Variants in ZNF804B observed in about 807,000 individuals in gnomAD.
ZNF804B encodes zinc finger protein 804B.
A neutral mutation model predicts 101.4 loss-of-function variants in ZNF804B; 80 were observed. That is an observed-to-expected ratio of 0.79 (90% CI 0.66 to 0.95). The LOEUF is 0.95. ZNF804B is among the 40% of genes least tolerant of loss of function. The pLI, the probability that ZNF804B is intolerant of heterozygous loss-of-function variation, is 0.00. For synonymous variants in ZNF804B, 622 were observed against 558.8 expected, an observed-to-expected ratio of 1.11 and a Z score of -1.59; for missense variants, 1,673 against 1,561.9, an observed-to-expected ratio of 1.07 and a Z score of -1.20.
chr7:88,871,290 T>C (rs1791819739), intron 1 of ZNF804B, among the ~76,000 whole-genome samples: 1 of 152,070 alleles, frequency 6.6e-6, no homozygotes, highest in South Asian at 2.1e-4. Flanking sequence ...GAATCTGAAC[T>C]GAAGACTATG....
intron 1 of ZNF804B, among the ~76,000 whole-genome samples, chr7:89,209,440 T>C (rs1788770128): frequency 6.6e-6 from 1 of 152,142 alleles, no homozygotes; most frequent in Non-Finnish European, 1.5e-5. Context: ...CACTGAACTA[T>C]AAGAAAAACA....
chr7:89,030,226 A>C (rs1474484862), intron 1 of ZNF804B, among the ~76,000 whole-genome samples: 1 of 152,192 alleles, frequency 6.6e-6, no homozygotes. Context: ...TAGGAAGCTC[A>C]GACAAAATAG....
At chr7:88,887,267 C>A (rs1792142612) in intron 1 of ZNF804B, among the ~76,000 whole-genome samples, 2 of 152,126 alleles carry the variant, frequency 1.3e-5, no homozygotes, top group Admixed American at 1.3e-4. Flanking sequence ...AGTCCTCTGC[C>A]CACTTTTTAA....
intron 2 of ZNF804B, among the ~76,000 whole-genome samples, chr7:89,296,960 A>G (rs1206179670): frequency 6.6e-6 from 1 of 152,060 alleles, no homozygotes; most frequent in Non-Finnish European, 1.5e-5. Flanking sequence ...AACTGAGTCA[A>G]ATATGACTAC....
chr7:88,980,306 G>A (rs903299441), intron 1 of ZNF804B, among the ~76,000 whole-genome samples: 16 of 151,940 alleles, frequency 1.1e-4, no homozygotes, highest in Admixed American at 1.0e-3. Flanking sequence ...TTGGTCACTG[G>A]TGCCTTATTT....
At chr7:88,927,809 A>G (rs1269307375) in intron 1 of ZNF804B, among the ~76,000 whole-genome samples, 3 of 152,038 alleles carry the variant, frequency 2.0e-5, no homozygotes, top group Non-Finnish European at 4.4e-5. Context: ...CTCACCTACC[A>G]TTATATAAAC....
chr7:88,931,257 A>G (rs1792880453), intron 1 of ZNF804B, among the ~76,000 whole-genome samples: 1 of 151,964 alleles, frequency 6.6e-6, no homozygotes, highest in Non-Finnish European at 1.5e-5. Context: ...AATCAAATCC[A>G]TAGTTAATTC....
chr7:89,094,258 A>G (rs989732433), intron 1 of ZNF804B, among the ~76,000 whole-genome samples: 2 of 152,200 alleles, frequency 1.3e-5, no homozygotes, highest in Non-Finnish European at 2.9e-5. Flanking sequence ...ATGCCTGTAT[A>G]AATCATTATC....
intron 1 of ZNF804B, among the ~76,000 whole-genome samples, chr7:88,845,297 G>GCACACACA (rs200482259): frequency 0.16 from 18,893 of 119,772 alleles, 1,142 homozygotes; most frequent in East Asian, 0.19. Flanking sequence ...GCGCGCACGC[G>GCACACACA]CGCGCACACA....
intron 1 of ZNF804B, among the ~76,000 whole-genome samples, chr7:89,125,796 A>T (rs922264790): frequency 6.6e-6 from 1 of 152,118 alleles, no homozygotes; most frequent in Non-Finnish European, 1.5e-5. Context: ...TTAGAGGTCC[A>T]TGTTGAAACT....
chr7:89,072,997 C>G (rs75384215), intron 1 of ZNF804B, among the ~76,000 whole-genome samples: 3,060 of 152,196 alleles, frequency 0.02, 44 homozygotes, highest in African/African-American at 0.032. Flanking sequence ...AGCCCTCAAT[C>G]AGAGATTATG....
At chr7:89,179,907 G>A in intron 1 of ZNF804B, among the ~76,000 whole-genome samples, 1 of 152,210 alleles carries the variant, frequency 6.6e-6, no homozygotes, top group Non-Finnish European at 1.5e-5. Context: ...GACTTGTAGA[G>A]ATACTTCCCT....
intron 1 of ZNF804B, among the ~76,000 whole-genome samples, chr7:89,208,800 C>CA (rs1788757292): frequency 6.6e-6 from 1 of 151,998 alleles, no homozygotes; most frequent in Non-Finnish European, 1.5e-5. Context: ...ATCACAAGGT[C>CA]AGGAGATCGA....
At chr7:88,861,917 G>A (rs998309935) in intron 1 of ZNF804B, among the ~76,000 whole-genome samples, 3 of 152,150 alleles carry the variant, frequency 2.0e-5, no homozygotes, top group Admixed American at 2.0e-4. Context: ...ATGCAGCCAT[G>A]TGGGATGGAG....
At chr7:89,094,547 T>A (rs187435007) in intron 1 of ZNF804B, among the ~76,000 whole-genome samples, 3,914 of 151,598 alleles carry the variant, frequency 0.026, 138 homozygotes, top group African/African-American at 0.078. Context: ...CTCACTTTTT[T>A]AAAAAAAAAT....
chr7:88,905,635 G>C (rs1006511972), intron 1 of ZNF804B, among the ~76,000 whole-genome samples: 1 of 152,138 alleles, frequency 6.6e-6, no homozygotes, highest in African/African-American at 2.4e-5. Flanking sequence ...TGGGCTTACA[G>C]GCAGGAGCCA....
At chr7:88,842,339 T>C (rs1791302350) in intron 1 of ZNF804B, among the ~76,000 whole-genome samples, 1 of 152,180 alleles carries the variant, frequency 6.6e-6, no homozygotes, top group South Asian at 2.1e-4. Context: ...GAAGTGAGAT[T>C]ACAGAAACCA....
At chr7:88,877,904 A>T (rs1791976256) in intron 1 of ZNF804B, among the ~76,000 whole-genome samples, 1 of 152,158 alleles carries the variant, frequency 6.6e-6, no homozygotes, top group Non-Finnish European at 1.5e-5. Context: ...TAAGGAATTT[A>T]TACTTCTTCC....
chr7:88,823,265 T>C (rs1435442064), intron 1 of ZNF804B, among the ~76,000 whole-genome samples: 2 of 151,972 alleles, frequency 1.3e-5, no homozygotes, highest in Non-Finnish European at 2.9e-5. Context: ...ATACATTCAG[T>C]GAAGTCATAG....
Sources: gnomAD v4.1 joint callset for allele counts (sites outside exome capture counted in the v4.1 genomes callset) on GRCh38, gnomAD v4.1.1 for gene constraint, MANE v1.5 for transcripts, NCBI Gene and HGNC (gene_info 2026-07-23, HGNC 2026-07-21) for gene names.